Variants in SGCZ observed in about 807,000 individuals in gnomAD.
SGCZ encodes zeta-sarcoglycan.
A neutral mutation model predicts 41.3 loss-of-function variants in SGCZ; 40 were observed. The observed-to-expected ratio is 0.97, with a 90% confidence interval of 0.75 to 1.26. The LOEUF (loss-of-function observed/expected upper bound fraction) is 1.26, where lower values mean the gene tolerates loss of function less well. Ranked by LOEUF, SGCZ falls within the 50% of genes most tolerant of loss-of-function variation. The probability of loss-of-function intolerance (pLI) is 0.00; values close to 1 mark genes in which losing one functional copy is unlikely to be tolerated. For synonymous variants in SGCZ, 206 were observed against 137.5 expected (o/e 1.50, Z -3.49); for missense variants, 552 against 369.8 (o/e 1.49, Z -4.04).
At chr8:14,937,789 A>G (rs1408761040) in intron 1 of SGCZ, among the ~76,000 whole-genome samples, 1 of 152,108 alleles carries the variant, frequency 6.6e-6, no homozygotes, top group Non-Finnish European at 1.5e-5. Context: ...GTTATGTAAT[A>G]AATTCATAAA....
At chr8:14,492,481 T>C (rs1281426270) in intron 2 of SGCZ, among the ~76,000 whole-genome samples, 3 of 152,204 alleles carry the variant, frequency 2.0e-5, no homozygotes, top group Admixed American at 1.3e-4. Context: ...CTATTTCCTG[T>C]TTATTTCAGT....
At chr8:15,183,260 C>A (rs1001470105) in intron 1 of SGCZ, among the ~76,000 whole-genome samples, 3 of 152,228 alleles carry the variant, frequency 2.0e-5, no homozygotes, top group African/African-American at 2.4e-5. Flanking sequence ...GTATTATATA[C>A]TGTACATAAT....
intron 1 of SGCZ, among the ~76,000 whole-genome samples, chr8:15,052,599 G>A (rs1037605219): frequency 6.6e-5 from 10 of 151,910 alleles, no homozygotes; most frequent in African/African-American, 1.2e-4. Context: ...GGCTTTCCTC[G>A]TCATGTGGAG....
At chr8:14,879,781 G>A (rs927467814) in intron 1 of SGCZ, 2 of 150,786 alleles carry the variant, frequency 1.3e-5, no homozygotes, top group African/African-American at 2.4e-5. Flanking sequence ...TCTACCAACA[G>A]TGCAGCTGTA....
chr8:14,644,068 T>C (rs1807119878), intron 1 of SGCZ, among the ~76,000 whole-genome samples: 1 of 151,784 alleles, frequency 6.6e-6, no homozygotes, highest in Non-Finnish European at 1.5e-5. Context: ...GAAAATAACT[T>C]TTAAGTATTA....
At chr8:14,605,882 T>A (rs966382879) in intron 1 of SGCZ, among the ~76,000 whole-genome samples, 5 of 152,176 alleles carry the variant, frequency 3.3e-5, no homozygotes, top group Admixed American at 6.6e-5. Flanking sequence ...TGTGCTGGAA[T>A]GAAAAGATGA....
chr8:14,141,850 T>TAAAG (rs1306310312), intron 5 of SGCZ, among the ~76,000 whole-genome samples: 3 of 152,148 alleles, frequency 2.0e-5, no homozygotes, highest in African/African-American at 7.2e-5. Flanking sequence ...CATGTTGCTA[T>TAAAG]AAAGACACAT....
intron 1 of SGCZ, among the ~76,000 whole-genome samples, chr8:14,564,008 G>A (rs74726515): frequency 6.6e-6 from 1 of 152,088 alleles, no homozygotes; most frequent in African/African-American, 2.4e-5. Context: ...TCACTAATTT[G>A]ATTCCTTAAA....
intron 1 of SGCZ, among the ~76,000 whole-genome samples, chr8:14,834,589 C>A (rs1276893156): frequency 1.3e-5 from 2 of 152,054 alleles, no homozygotes; most frequent in Non-Finnish European, 2.9e-5. Context: ...TTCCTAGCAG[C>A]AAGAAAAGGA....
At chr8:14,691,258 C>T (rs1808789836) in intron 1 of SGCZ, among the ~76,000 whole-genome samples, 1 of 152,112 alleles carries the variant, frequency 6.6e-6, no homozygotes, top group African/African-American at 2.4e-5. Context: ...AAAATACAGA[C>T]TACGTACTCC....
chr8:15,224,971 C>T (rs908160722), intron 1 of SGCZ, among the ~76,000 whole-genome samples: 2 of 151,950 alleles, frequency 1.3e-5, no homozygotes, highest in Admixed American at 1.3e-4. Flanking sequence ...GAGAAAGCTA[C>T]AAAAAGAAAT....
chr8:14,190,014 C>CTTTTTTTTTTTTTTTTTT (rs71304966), intron 4 of SGCZ, among the ~76,000 whole-genome samples: 16 of 100,200 alleles, frequency 1.6e-4, no homozygotes, highest in East Asian at 2.9e-4. Context: ...TTCTTTCTTT[C>CTTTTTTTTTTTTTTTTTT]TTTTTTTTTT....
chr8:15,138,407 G>A (rs1226379842), intron 1 of SGCZ, among the ~76,000 whole-genome samples: 3 of 152,022 alleles, frequency 2.0e-5, no homozygotes, highest in East Asian at 1.9e-4. Flanking sequence ...GAATTGTGAC[G>A]ACATGAGATT....
chr8:14,283,011 G>A (rs1429513928), intron 3 of SGCZ, among the ~76,000 whole-genome samples: 1 of 150,450 alleles, frequency 6.6e-6, no homozygotes, highest in Non-Finnish European at 1.5e-5. Flanking sequence ...CACCACGCCC[G>A]GCTAATTTTT....
At chr8:14,973,590 A>C (rs780579603) in intron 1 of SGCZ, among the ~76,000 whole-genome samples, 3 of 152,204 alleles carry the variant, frequency 2.0e-5, no homozygotes, top group Non-Finnish European at 4.4e-5. Flanking sequence ...TAAATACTTA[A>C]GTATTGACAT....
chr8:14,210,466 CTT>C lies in SGCZ; in HGVS notation c.424+27124_424+27125del, dbSNP rs11348040. Among the ~76,000 whole-genome samples the C allele has an allele frequency of 8.1e-4, 120 of 147,532 alleles. 1 individual carries two copies. The highest frequency in any genetic ancestry group is 1.0e-3 in the Non-Finnish European group (70 of 66,890). ...TTAAAATAGTATTATGCAACTTGAA[CTT>C]TTTTTTTTTTTTAAACAGAGTTTCA... On this transcript the variant is annotated intron_variant, in intron 4 of 7. Transcript: ENST00000382080.
At chr8:14,937,408 T>C (rs12679928) in intron 1 of SGCZ, among the ~76,000 whole-genome samples, 65,251 of 151,828 alleles carry the variant, frequency 0.43, 14,238 homozygotes, top group African/African-American at 0.49. Flanking sequence ...CACAGATCCA[T>C]GTTGTTTTTA....
chr8:14,650,861 C>T (rs1248764187), intron 1 of SGCZ, among the ~76,000 whole-genome samples: 5 of 151,810 alleles, frequency 3.3e-5, no homozygotes. Context: ...ATATGTTATA[C>T]CTATATGAAT....
At chr8:14,736,249 T>A (rs771865358) in intron 1 of SGCZ, among the ~76,000 whole-genome samples, 3 of 151,978 alleles carry the variant, frequency 2.0e-5, no homozygotes, top group Non-Finnish European at 4.4e-5. Flanking sequence ...CTCATAAATC[T>A]TAGAGCCAAC....
Sources: gnomAD v4.1 joint callset for allele counts (sites outside exome capture counted in the v4.1 genomes callset) on GRCh38, gnomAD v4.1.1 for gene constraint, MANE v1.5 for transcripts, NCBI Gene and HGNC (gene_info 2026-07-23, HGNC 2026-07-21) for gene names.